Variants in SQSTM1 observed in about 807,000 individuals in gnomAD.
The protein encoded by SQSTM1 is sequestosome-1.
In SQSTM1, 36 loss-of-function variants were observed where a neutral mutation model predicts 45.1. The observed-to-expected ratio is 0.80, with a 90% CI of 0.61 to 1.05. The LOEUF (loss-of-function observed/expected upper bound fraction) is 1.05, where lower values mean the gene tolerates loss of function less well. Ranked by LOEUF, SQSTM1 falls within the 50% of genes least tolerant of loss-of-function variation. The pLI is 0.00. For missense variants in SQSTM1, 617 were observed against 607.1 expected, an observed-to-expected ratio of 1.02 and a Z score of -0.17; for synonymous variants, 290 against 244.3, an observed-to-expected ratio of 1.19 and a Z score of -1.74.
chr5:179,825,389 A>C (rs1454434543), intron 5 of SQSTM1, among the ~76,000 whole-genome samples, 163 bp downstream of exon 5: 1 of 152,190 alleles, frequency 6.6e-6, no homozygotes, highest in Admixed American at 6.5e-5. Flanking sequence ...CGGGCAACTC[A>C]AGGTTGAATT....
At chr5:179,812,772 T>G (rs1662423105) in intron 2 of SQSTM1, 1 of 152,250 alleles carries the variant, frequency 6.6e-6, no homozygotes, top group Admixed American at 6.5e-5. Context: ...GCTCTCGGTT[T>G]AGGTCCCATG....
intron 2 of SQSTM1, 67 bp downstream of exon 2, chr5:179,823,120 A>G (rs1757845317): frequency 1.4e-6 from 2 of 1,449,160 alleles, no homozygotes; most frequent in East Asian, 2.3e-5. Flanking sequence ...GCTGAGTAAA[A>G]AACAGGGCTC....
Position 179,824,270 on chromosome 5 carries a change from G to A in SQSTM1, c.620G>A (p.Ser207Asn), listed in dbSNP as rs1023941941. The change falls in exon 4 of 8, where the codon AGC becomes AAC. Residue 207 changes from serine (S) to asparagine (N), a missense_variant. Physicochemically the swap from Ser to Asn is conservative, Grantham distance 46. Coordinates refer to ENST00000389805, the MANE Select transcript of SQSTM1 (RefSeq NM_003900.5). Reference sequence around the variant, plus strand: ...GAAATGGGTCCACCAGGAAACTGGAGCCCACGTCCTCCTCGTGCAGGGGAG... The same window carrying A: ...GAAATGGGTCCACCAGGAAACTGGAACCCACGTCCTCCTCGTGCAGGGGAG... ...GWEMGPPGNW[S>N]PRPPRAGEAR... is the part of the protein sequence containing the mutation. The A allele has an allele frequency of 1.2e-6, 2 of 1,613,828 alleles. No homozygotes were observed. Among genetic ancestry groups the A allele is most frequent in the Non-Finnish European group, 1.7e-6 (2 of 1,180,044 alleles).
intron 1 of SQSTM1, among the ~76,000 whole-genome samples, chr5:179,811,396 GCAGGGGGAGGAGCTAT>G: frequency 2.0e-5 from 2 of 100,942 alleles, no homozygotes; most frequent in South Asian, 5.3e-4. Context: ...GAGGAGCTAT[GCAGGGGGAGGAGCTAT>G]GCAGGGGGGA....
intron 5 of SQSTM1, among the ~76,000 whole-genome samples, chr5:179,825,631 T>C (rs1369012935): frequency 6.6e-6 from 1 of 152,212 alleles, no homozygotes; most frequent in African/African-American, 2.4e-5. Context: ...ATTTATCTTT[T>C]CCTTCTTTTA....
chr5:179,813,895 C>A (rs540018684), upstream of SQSTM1, among the ~76,000 whole-genome samples: 2 of 152,220 alleles, frequency 1.3e-5, no homozygotes, highest in Non-Finnish European at 2.9e-5. Context: ...GACACTGTCA[C>A]AAAACTAGCA....
chr5:179,817,469 G>C (rs905882504), upstream of SQSTM1, among the ~76,000 whole-genome samples: 4 of 152,218 alleles, frequency 2.6e-5, no homozygotes, highest in African/African-American at 9.6e-5. Flanking sequence ...GGCCATGTTT[G>C]AATTTATTTG....
intron 7 of SQSTM1, 159 bp from the exon 8 acceptor site, chr5:179,836,277 G>A: frequency 2.2e-6 from 2 of 929,442 alleles, no homozygotes; most frequent in Non-Finnish European, 3.4e-6. Flanking sequence ...GCCCTTTACA[G>A]GGAAAGCAGG....
chr5:179,834,439 C>A (rs939923149), intron 7 of SQSTM1, among the ~76,000 whole-genome samples: 55 of 142,390 alleles, frequency 3.9e-4, no homozygotes, highest in African/African-American at 9.6e-4. Context: ...TTTTATTGAT[C>A]ATTCTTGGGT....
intron 5 of SQSTM1, among the ~76,000 whole-genome samples, chr5:179,827,986 C>T (rs2113497782): frequency 6.6e-6 from 1 of 152,298 alleles, no homozygotes; most frequent in African/African-American, 2.4e-5. Flanking sequence ...CCAGGCTGCT[C>T]CTGGCTGGGA....
chr5:179,832,423 G>A (rs1006309821), intron 5 of SQSTM1, among the ~76,000 whole-genome samples: 2 of 152,230 alleles, frequency 1.3e-5, no homozygotes, highest in African/African-American at 4.8e-5. Flanking sequence ...CCTACGCAGC[G>A]CCTGCACGGC....
chr5:179,835,057 C>A, intron 7 of SQSTM1: 1 of 213,442 alleles, frequency 4.7e-6, no homozygotes, highest in Non-Finnish European at 9.6e-6. Flanking sequence ...GACGGGGCGG[C>A]CGGGCAGAGA....
chr5:179,823,839 C>T lies in SQSTM1; in HGVS notation c.302-19C>T. 1 of 1,609,090 alleles carries T rather than the reference C, an allele frequency of 6.2e-7. No individual in the cohort carries two copies. Among genetic ancestry groups the T allele is most frequent in the Non-Finnish European group, 8.5e-7 (1 of 1,179,606 alleles). ...TTTAGGGGGTCCCACCCTAGCGGCT[C>T]TCTTTACCCTTCCTGTAGAGAAAAA... On this transcript the variant is annotated intron_variant, in intron 2 of 7. Coordinates refer to ENST00000389805, the MANE Select transcript of SQSTM1 (RefSeq NM_003900.5).
intron 1 of SQSTM1, among the ~76,000 whole-genome samples, chr5:179,811,237 A>T (rs10479549): frequency 1.2e-3 from 179 of 151,962 alleles, no homozygotes; most frequent in African/African-American, 4.1e-3. Context: ...CGTCTCAAAA[A>T]AAAAAAGAGG....
intron 1 of SQSTM1, 126 bp downstream of exon 1, chr5:179,821,267 C>T (rs1210897066): frequency 3.0e-6 from 3 of 988,486 alleles, no homozygotes; most frequent in Non-Finnish European, 4.1e-6. Flanking sequence ...GCTGGCTGCT[C>T]CCTGGATGGC....
At chr5:179,811,846 C>T (rs868414456) in intron 2 of SQSTM1, 2 of 152,282 alleles carry the variant, frequency 1.3e-5, no homozygotes, top group Non-Finnish European at 2.9e-5. Context: ...TCTCTGTCGC[C>T]CAGGCTGGAG....
rs2113510695 is a variant in SQSTM1 at position 179,833,106 on chromosome 5, A to G, written c.829A>G (p.Ser277Gly). The G allele has an allele frequency of 6.2e-7, 1 of 1,614,232 alleles. No individual in the cohort carries two copies. The highest frequency in any genetic ancestry group is 8.5e-7 in the Non-Finnish European group (1 of 1,180,034). Residue 277 changes from serine (S) to glycine (G), a missense_variant, in exon 6 of 8, where the codon AGC (serine) becomes GGC (glycine). By Grantham distance (56) the Ser-to-Gly change is moderately conservative. Transcript: ENST00000389805. ...RLTPVSPESS[S>G]TEEKSSSQPS... ...GACCCCCGTCTCTCCAGAGAGTTCC[A>G]GCACAGAGGAGAAGAGCAGCTCACA...
upstream of SQSTM1, among the ~76,000 whole-genome samples, chr5:179,816,854 C>G (rs1340967988): frequency 6.6e-6 from 1 of 152,182 alleles, no homozygotes; most frequent in African/African-American, 2.4e-5. Context: ...GGTACCCCAG[C>G]AGTGCCCCCG....
chr5:179,830,028 G>C (rs1256490739), intron 5 of SQSTM1, among the ~76,000 whole-genome samples: 1 of 152,184 alleles, frequency 6.6e-6, no homozygotes, highest in East Asian at 1.9e-4. Flanking sequence ...GGGATGGCTT[G>C]AGCCTGGAAG....
Sources: gnomAD v4.1 joint callset for allele counts (sites outside exome capture counted in the v4.1 genomes callset) on GRCh38, gnomAD v4.1.1 for gene constraint, MANE v1.5 for transcripts, NCBI Gene and HGNC (gene_info 2026-07-23, HGNC 2026-07-21) for gene names.